The following LRRC39 variants were observed in gnomAD, a reference collection of about 807,000 sequenced individuals.
The protein encoded by LRRC39 is leucine-rich repeat-containing protein 39.
In LRRC39, 35 loss-of-function variants were observed where a neutral mutation model predicts 39.7. That is an observed-to-expected ratio of 0.88 (90% CI 0.67 to 1.17). The LOEUF is 1.17. Among genes scored for constraint, LRRC39 ranks in the 50% most tolerant of loss-of-function variants. The pLI, the probability that LRRC39 is intolerant of heterozygous loss-of-function variation, is 0.00. For synonymous variants in LRRC39, 113 were observed against 134.1 expected (o/e 0.84, Z 1.09); for missense variants, 357 against 385.8 (o/e 0.93, Z 0.62).
intron 1 of LRRC39, 121 bp downstream of exon 1, chr1:100,178,014 C>T (rs907586167): frequency 3.9e-5 from 6 of 152,166 alleles, no homozygotes; most frequent in African/African-American, 1.4e-4. Context: ...AATTCTATTC[C>T]AGTTTGTTTG....
chr1:100,155,675 T>A (rs1372705345), intron 7 of LRRC39, among the ~76,000 whole-genome samples: 1 of 152,212 alleles, frequency 6.6e-6, no homozygotes, highest in Non-Finnish European at 1.5e-5. Flanking sequence ...ATGATGAATA[T>A]GCCCATTTAT....
chr1:100,161,456 C>T lies in LRRC39; in HGVS notation c.114-885G>A, dbSNP rs149811581. 7.4e-4 allele frequency among the ~76,000 whole-genome samples: 112 copies of T among 152,184 alleles called. 1 individual carries two copies. The highest frequency in any genetic ancestry group is 2.6e-3 in the African/African-American group (109 of 41,524). On this transcript the variant is annotated intron_variant, in intron 3 of 9. Transcript: ENST00000370137. ...CATTTCTTTTTGTGGCAGAATGATT[C>T]CACTGTATGGATCTACCACATTTTG...
At chr1:100,177,056 A>G (rs1030035303) in intron 1 of LRRC39, among the ~76,000 whole-genome samples, 2 of 152,206 alleles carry the variant, frequency 1.3e-5, no homozygotes, top group African/African-American at 2.4e-5. Flanking sequence ...AAGGTAATCA[A>G]GAGAGAAGCT....
rs561458965 is a variant in LRRC39 at position 100,166,023 on chromosome 1, A to C, written c.113+2381T>G. Among the ~76,000 whole-genome samples the C allele has an allele frequency of 1.3e-3, 192 of 151,798 alleles. 1 individual carries two copies. The highest frequency in any genetic ancestry group is 4.6e-3 in the African/African-American group (188 of 41,244). ...CCATGTAGCTGGGATTACAGGCGTG[A>C]GCCACCATGTCTGGCTGAGGATTCC... On this transcript the variant is annotated intron_variant, in intron 3 of 9. Coordinates refer to ENST00000370137, the MANE Select transcript of LRRC39 (RefSeq NM_144620.4).
intron 3 of LRRC39, among the ~76,000 whole-genome samples, chr1:100,162,256 A>G (rs1658935166): frequency 6.6e-6 from 1 of 152,186 alleles, no homozygotes; most frequent in Admixed American, 6.5e-5. Context: ...TACTTTTTAC[A>G]TATAAAAATG....
At chr1:100,149,400 T>G (rs1292757350) in intron 9 of LRRC39, 1 of 1,545,722 alleles carries the variant, frequency 6.5e-7, no homozygotes, top group African/African-American at 1.4e-5. Flanking sequence ...GTATATATTG[T>G]CAGAATCTGT....
chr1:100,154,058 ATTTCT>A (rs1359566550), intron 8 of LRRC39, among the ~76,000 whole-genome samples: 6 of 150,658 alleles, frequency 4.0e-5, no homozygotes, highest in Non-Finnish European at 8.9e-5. Flanking sequence ...AACAGAGGAC[ATTTCT>A]TTTTTTTTTT....
intron 3 of LRRC39, among the ~76,000 whole-genome samples, chr1:100,162,360 A>G (rs967710200): frequency 3.9e-5 from 6 of 152,170 alleles, no homozygotes; most frequent in African/African-American, 9.7e-5. Flanking sequence ...GCAAACTAGA[A>G]ACTGGAAAAC....
Position 100,152,365 on chromosome 1 carries a change from G to A in LRRC39, c.952+20C>T, listed in dbSNP as rs113236751. ...CTCTACCAAAAAACATTTAATCTGT[G>A]TTATATACAAATCTTATACCTGCTC... is the stretch of plus-strand genomic sequence containing the variant. On this transcript the variant is annotated intron_variant, in intron 9 of 9. Coordinates refer to ENST00000370137, the MANE Select transcript of LRRC39 (RefSeq NM_144620.4). 3.1e-6 allele frequency: 5 copies of A among 1,610,790 alleles called. No individual in the cohort carries two copies. The highest frequency in any genetic ancestry group is 2.7e-5 in the African/African-American group (2 of 74,888).
intron 6 of LRRC39, among the ~76,000 whole-genome samples, chr1:100,157,944 G>T (rs1387802603): frequency 6.6e-6 from 1 of 152,050 alleles, no homozygotes; most frequent in Admixed American, 6.6e-5. Flanking sequence ...TACAACCTAG[G>T]CTCTGCCCTC....
chr1:100,169,966 C>A (rs1176142050), intron 2 of LRRC39, among the ~76,000 whole-genome samples: 3 of 152,090 alleles, frequency 2.0e-5, no homozygotes, highest in African/African-American at 4.8e-5. Flanking sequence ...AGCCATATCC[C>A]AGGGTGGTCA....
chr1:100,152,249 A>C, intron 9 of LRRC39, 136 bp downstream of exon 9: 1 of 914,896 alleles, frequency 1.1e-6, no homozygotes, highest in Non-Finnish European at 1.6e-6. Context: ...AATATTGACT[A>C]AGAGAACAGA....
At chr1:100,164,108 T>C (rs1224597890) in intron 3 of LRRC39, among the ~76,000 whole-genome samples, 1 of 152,166 alleles carries the variant, frequency 6.6e-6, no homozygotes, top group Non-Finnish European at 1.5e-5. Context: ...CTACAAATTT[T>C]ATTGTAGAAT....
At position 100,152,453 on chromosome 1, in the gene LRRC39, T is replaced by C. The variant is rs1026409729; in HGVS notation, c.884A>G (p.Glu295Gly). 6.2e-6 allele frequency: 10 copies of C among 1,604,546 alleles called. No homozygotes were observed. The East Asian group carries it at 2.2e-4, about 36-fold the overall frequency. ...SLPPSEGTDE[E>G]EERELFGLQF... is the part of the protein sequence containing the mutation. ...AAGGCCAAATAATTCCCGTTCCTCTTCTTCATCTGTGCCTTCACTGGGAGG... is the reference window on the plus strand; with the variant it reads ...AAGGCCAAATAATTCCCGTTCCTCTCCTTCATCTGTGCCTTCACTGGGAGG... Residue 295 changes from glutamate to glycine, a missense_variant, in exon 9 of 10, where the codon GAA (glutamate) becomes GGA (glycine). Coordinates refer to ENST00000370137, the MANE Select transcript of LRRC39 (RefSeq NM_144620.4).
chr1:100,174,092 A>G (rs1315349354), intron 1 of LRRC39, among the ~76,000 whole-genome samples: 2 of 152,206 alleles, frequency 1.3e-5, no homozygotes, highest in African/African-American at 4.8e-5. Flanking sequence ...CTAATTTTTA[A>G]TGACAATTCT....
rs188198879 is a variant in LRRC39, at chr1:100,159,461, T to A, written c.220-46A>T. 4 of 1,415,754 alleles carry A rather than the reference T, an allele frequency of 2.8e-6. No homozygotes were observed. The African/African-American group carries it at 5.9e-5, about 21-fold the overall frequency. 87.7% of individuals were successfully genotyped at this position (1,415,754 alleles called of 1,614,324 possible). On this transcript the variant is annotated intron_variant, in intron 4 of 9. Transcript: ENST00000370137. ...GTTGTTGTATATTACTTAAATTTTT[T>A]TAGTATCACGCCACCCTGAAATGTG...
chr1:100,152,364 T>C (rs1184763653), intron 9 of LRRC39, 21 bp downstream of exon 9: 3 of 1,609,062 alleles, frequency 1.9e-6, no homozygotes, highest in Admixed American at 3.4e-5. Context: ...ATTTAATCTG[T>C]GTTATATACA....
intron 3 of LRRC39, among the ~76,000 whole-genome samples, chr1:100,167,674 C>T (rs949179664): frequency 6.6e-6 from 1 of 151,894 alleles, no homozygotes; most frequent in East Asian, 1.9e-4. Flanking sequence ...ACTTGGAAGG[C>T]TGAGGCAGGG....
At chr1:100,159,455 A>T (rs746490405) in intron 4 of LRRC39, 40 bp from the exon 5 acceptor site, 12 of 1,447,880 alleles carry the variant, frequency 8.3e-6, no homozygotes, top group South Asian at 3.2e-5. Flanking sequence ...TATTACTTAA[A>T]TTTTTTTAGT....
Sources: allele counts gnomAD v4.1 joint callset (sites outside exome capture counted in the v4.1 genomes callset), GRCh38; gene constraint gnomAD v4.1.1; transcripts MANE v1.5; gene names NCBI Gene and HGNC (gene_info 2026-07-23, HGNC 2026-07-21).